Variants in MVB12B observed in about 807,000 individuals in gnomAD.
The protein encoded by MVB12B is multivesicular body subunit 12B, also known as ESCRT-I complex subunit MVB12B.
MVB12B carries 16 observed loss-of-function variants against 41.6 expected under a neutral mutation model. The ratio of observed to expected loss-of-function variants is 0.38; its 90% CI spans 0.26 to 0.58. MVB12B has a LOEUF of 0.58. Among genes scored for constraint, MVB12B ranks in the 20% least tolerant of loss-of-function variants. The pLI is 0.62. For missense variants in MVB12B, 274 were observed against 380.2 expected, an observed-to-expected ratio of 0.72 and a Z score of 2.32; for synonymous variants, 133 against 139.7, an observed-to-expected ratio of 0.95 and a Z score of 0.34.
chr9:126,375,616 T>C (rs549698985), intron 2 of MVB12B, among the ~76,000 whole-genome samples: 2 of 152,274 alleles, frequency 1.3e-5, no homozygotes, highest in East Asian at 3.9e-4. Context: ...CTGGAGTTTA[T>C]GGTTTCCCCT....
rs1320433398 is a variant in MVB12B at position 126,340,655 on chromosome 9, AT to A, written c.204+29del. Reference sequence around the variant, plus strand: ...AGTAAGTCAAGATACTAGTTTGTACATTTTGCTCACTGATTCTACAAGTATT... The same window carrying A: ...AGTAAGTCAAGATACTAGTTTGTACATTTGCTCACTGATTCTACAAGTATT... On this transcript the variant is annotated intron_variant, in intron 2 of 9. Coordinates refer to ENST00000361171, the MANE Select transcript of MVB12B (RefSeq NM_033446.3). This position sits in a 1 kb window ranked among gnomAD's most constrained non-coding sequence, Gnocchi z 4.0. 1.9e-5 allele frequency: 31 copies of A among 1,610,152 alleles called. No individual in the cohort carries two copies. The highest frequency in any genetic ancestry group is 2.6e-5 in the Non-Finnish European group (31 of 1,177,216).
At chr9:126,440,019 A>G (rs1046814189) in intron 7 of MVB12B, among the ~76,000 whole-genome samples, 1 of 152,210 alleles carries the variant, frequency 6.6e-6, no homozygotes, top group African/African-American at 2.4e-5. Context: ...CTTAATACAG[A>G]CTAAGCTTCT....
chr9:126,440,439 C>T (rs992697920), intron 7 of MVB12B, among the ~76,000 whole-genome samples: 2 of 152,204 alleles, frequency 1.3e-5, no homozygotes, highest in African/African-American at 4.8e-5. Flanking sequence ...GAAACAGCTT[C>T]CCTCTGCCAC....
intron 6 of MVB12B, among the ~76,000 whole-genome samples, chr9:126,418,611 A>C (rs143834797): frequency 1.3e-5 from 2 of 152,320 alleles, no homozygotes; most frequent in East Asian, 3.9e-4. Flanking sequence ...ATTTCTGCTT[A>C]AAAATCATTC....
intron 2 of MVB12B, among the ~76,000 whole-genome samples, chr9:126,357,521 A>G (rs1261532057): frequency 6.6e-6 from 1 of 151,994 alleles, no homozygotes; most frequent in Admixed American, 6.6e-5. Context: ...TGAGATAGTC[A>G]TTCTTTTAAT....
chr9:126,382,924 T>C (rs538289040), intron 3 of MVB12B, among the ~76,000 whole-genome samples: 1 of 152,220 alleles, frequency 6.6e-6, no homozygotes, highest in South Asian at 2.1e-4. Flanking sequence ...TAAAAAGATA[T>C]TTATTGGGCA....
intron 7 of MVB12B, among the ~76,000 whole-genome samples, chr9:126,462,194 T>C (rs1833104451): frequency 6.6e-6 from 1 of 152,210 alleles, no homozygotes; most frequent in South Asian, 2.1e-4. Context: ...ACTTGGAGCT[T>C]TGAACCACAA....
At chr9:126,481,100 C>A in intron 7 of MVB12B, 1 of 483,192 alleles carries the variant, frequency 2.1e-6, no homozygotes, top group Non-Finnish European at 3.7e-6. Flanking sequence ...GGTTCTGGAC[C>A]AGCCGCTCTC....
intron 9 of MVB12B, among the ~76,000 whole-genome samples, chr9:126,487,044 C>T (rs558344250): frequency 4.6e-5 from 7 of 152,174 alleles, no homozygotes; most frequent in Non-Finnish European, 8.8e-5. Flanking sequence ...GTCTCAATGT[C>T]GGGCGCTCCG....
chr9:126,446,931 T>TTA (rs1832783729), intron 7 of MVB12B, among the ~76,000 whole-genome samples: 1 of 138,174 alleles, frequency 7.2e-6, no homozygotes, highest in African/African-American at 2.6e-5. Context: ...TTCTTTTTTT[T>TTA]AACTTTCTTT....
intron 7 of MVB12B, among the ~76,000 whole-genome samples, chr9:126,456,016 A>T (rs1588187158): frequency 6.9e-6 from 1 of 145,770 alleles, no homozygotes; most frequent in Non-Finnish European, 1.5e-5. Flanking sequence ...ACAGCCTCCC[A>T]AGTAGCTGGG....
Position 126,395,465 on chromosome 9 carries a change from T to C in MVB12B, c.540-110T>C. On this transcript the variant is annotated intron_variant, in intron 5 of 9. Transcript: ENST00000361171. The surrounding 1 kb of genome is among the most constrained non-coding windows in gnomAD (Gnocchi z 4.9). ...ATTTCACGTGGAGGGCAAGAATTGA[T>C]TCCCTGGTGTTTGAGGCCATGACTC... The C allele has an allele frequency of 3.1e-6, 4 of 1,309,884 alleles. No individual in the cohort carries two copies. Among genetic ancestry groups the C allele is most frequent in the Non-Finnish European group, 4.3e-6 (4 of 933,642 alleles). The allele number at this position is 1,309,884 out of a possible 1,614,324, so 81.1% of individuals were successfully genotyped here. A position where few individuals can be genotyped will look rare whatever the true frequency, so the allele number is the denominator to read the frequency against.
At chr9:126,372,944 CCTGT>C (rs1830381269) in intron 2 of MVB12B, among the ~76,000 whole-genome samples, 1 of 152,044 alleles carries the variant, frequency 6.6e-6, no homozygotes, top group African/African-American at 2.4e-5. Flanking sequence ...TTAGGAAAGA[CCTGT>C]CTGAGAAGGA....
At chr9:126,408,964 C>T (rs10987270) in intron 6 of MVB12B, among the ~76,000 whole-genome samples, 18,672 of 152,106 alleles carry the variant, frequency 0.12, 1,548 homozygotes, top group East Asian at 0.38. Context: ...CCGCAGCGCC[C>T]ACCTTCTCGA....
chr9:126,440,689 A>G (rs934259070), intron 7 of MVB12B, among the ~76,000 whole-genome samples: 5 of 152,208 alleles, frequency 3.3e-5, no homozygotes, highest in African/African-American at 1.2e-4. Flanking sequence ...ATTGAAAAGT[A>G]CATTTTTTTT....
chr9:126,419,810 G>A (rs1484483409), intron 6 of MVB12B, among the ~76,000 whole-genome samples: 3 of 152,158 alleles, frequency 2.0e-5, no homozygotes, highest in East Asian at 1.9e-4. Flanking sequence ...GGCTGCACCC[G>A]GCCAGGCCCA....
intron 2 of MVB12B, among the ~76,000 whole-genome samples, chr9:126,377,654 G>A (rs1588121959): frequency 6.6e-6 from 1 of 152,004 alleles, no homozygotes; most frequent in South Asian, 2.1e-4. Flanking sequence ...CTTGGCACAG[G>A]GGGTAAAATG....
chr9:126,494,838 A>C (rs1833796430), intron 9 of MVB12B, among the ~76,000 whole-genome samples: 1 of 151,996 alleles, frequency 6.6e-6, no homozygotes, highest in South Asian at 2.1e-4. Flanking sequence ...TGAATTCTAA[A>C]ATGCTGACTC....
At position 126,481,453 on chromosome 9, in the gene MVB12B, C is replaced by T. The variant is rs1464941122; in HGVS notation, c.813+29C>T. The T allele has an allele frequency of 1.1e-5, 17 of 1,558,194 alleles. No individual in the cohort carries two copies. The East Asian group carries it at 2.0e-4, about 18-fold the overall frequency. On this transcript the variant is annotated intron_variant, in intron 8 of 9. Transcript: ENST00000361171. ...AGTTTTATGCATGATCGCCCTTCCC[C>T]TCTGCCACCCCCCAGCCTGAGGTCC...
Sources: allele counts gnomAD v4.1 joint callset (sites outside exome capture counted in the v4.1 genomes callset), GRCh38; gene constraint gnomAD v4.1.1; non-coding constraint Gnocchi (gnomAD v3.1); transcripts MANE v1.5; gene names NCBI Gene and HGNC (gene_info 2026-07-23, HGNC 2026-07-21).